UNC13C: variants seen among roughly 807,000 people sequenced by gnomAD.
UNC13C encodes unc-13 homolog C.
UNC13C carries 174 observed loss-of-function variants against 245.4 expected under a neutral mutation model. That is an observed-to-expected ratio of 0.71 (90% CI 0.63 to 0.80). The LOEUF (loss-of-function observed/expected upper bound fraction) is 0.80. Ranked by LOEUF, UNC13C falls within the 30% of genes least tolerant of loss-of-function variation. The pLI, the probability that UNC13C is intolerant of heterozygous loss-of-function variation, is 0.00. For missense variants in UNC13C, 2,829 were observed against 2,602.9 expected, an observed-to-expected ratio of 1.09 and a Z score of -1.89; for synonymous variants, 992 against 895.1, an observed-to-expected ratio of 1.11 and a Z score of -1.93.
chr15:54,027,959 C>G (rs1203451167), intron 2 of UNC13C, among the ~76,000 whole-genome samples: 1 of 152,164 alleles, frequency 6.6e-6, no homozygotes, highest in Non-Finnish European at 1.5e-5. Flanking sequence ...ACATGTCAAA[C>G]TTGGCTAACT....
chr15:54,275,054 G>A (rs1371765939), intron 10 of UNC13C, among the ~76,000 whole-genome samples: 1 of 152,058 alleles, frequency 6.6e-6, no homozygotes, highest in Non-Finnish European at 1.5e-5. Context: ...AAAGCAAATA[G>A]CAAGATGATA....
At chr15:54,610,010 C>G (rs922974694) in intron 30 of UNC13C, among the ~76,000 whole-genome samples, 1 of 152,064 alleles carries the variant, frequency 6.6e-6, no homozygotes, top group African/African-American at 2.4e-5. Context: ...CAATTACTTC[C>G]TACCAGGTCC....
intron 17 of UNC13C, among the ~76,000 whole-genome samples, chr15:54,370,270 T>G (rs2039460024): frequency 6.6e-6 from 1 of 152,088 alleles, no homozygotes; most frequent in Non-Finnish European, 1.5e-5. Flanking sequence ...TGTTAAATAC[T>G]GAGAAATAGT....
At chr15:54,029,100 T>G (rs552533051) in intron 2 of UNC13C, among the ~76,000 whole-genome samples, 2 of 152,310 alleles carry the variant, frequency 1.3e-5, no homozygotes, top group African/African-American at 4.8e-5. Flanking sequence ...GAATGCATTT[T>G]GGGAATTGAT....
chr15:54,333,932 C>T, intron 16 of UNC13C, 76 bp downstream of exon 16: 1 of 1,088,638 alleles, frequency 9.2e-7, no homozygotes, highest in Non-Finnish European at 1.4e-6. Flanking sequence ...CTTGCTTTAC[C>T]CTCCTCTTGA....
At chr15:53,917,188 A>G in the UNC13C span, among the ~76,000 whole-genome samples, 1 of 152,232 alleles carries the variant, frequency 6.6e-6, no homozygotes, top group Non-Finnish European at 1.5e-5. Context: ...TTATAACAGC[A>G]GGGAGTGACT....
At chr15:54,062,773 C>T (rs538426765) in intron 2 of UNC13C, among the ~76,000 whole-genome samples, 2 of 152,260 alleles carry the variant, frequency 1.3e-5, no homozygotes, top group South Asian at 2.1e-4. Flanking sequence ...TTCAATAAGC[C>T]CTTCAGGTGA....
intron 1 of UNC13C, among the ~76,000 whole-genome samples, chr15:53,997,553 G>T (rs1894691802): frequency 6.6e-6 from 1 of 151,998 alleles, no homozygotes; most frequent in Admixed American, 6.6e-5. Context: ...AATTAATTCT[G>T]TATGCAGAAT....
chr15:54,066,340 C>T (rs1898074781), intron 2 of UNC13C, among the ~76,000 whole-genome samples: 1 of 152,210 alleles, frequency 6.6e-6, no homozygotes, highest in Admixed American at 6.5e-5. Context: ...AGTAATTTCT[C>T]TGGTGAACCT....
At chr15:54,620,503 G>C (rs1411203473) in intron 30 of UNC13C, among the ~76,000 whole-genome samples, 1 of 152,026 alleles carries the variant, frequency 6.6e-6, no homozygotes, top group Admixed American at 6.6e-5. Context: ...CCCAATCCAG[G>C]TTCATACTGT....
In UNC13C at chr15:54,067,493, G is replaced by T. The variant is rs1898128638; in HGVS notation, c.2983+51607G>T. Among the ~76,000 whole-genome samples the T allele has an allele frequency of 2.0e-5, 3 of 152,194 alleles. No individual in the cohort carries two copies. In the South Asian group the frequency reaches 6.2e-4, roughly 32 times the overall value. On this transcript the variant is annotated intron_variant, in intron 2 of 32. Coordinates refer to ENST00000260323, the MANE Select transcript of UNC13C (RefSeq NM_001080534.3). ...TTCATTATTTCAGTCAATAAGTCAT[G>T]CTGTGACAGGTAAAGCTTGTCTCTA...
the UNC13C span, among the ~76,000 whole-genome samples, chr15:53,876,592 C>G: frequency 6.6e-6 from 1 of 152,138 alleles, no homozygotes; most frequent in African/African-American, 2.4e-5. Flanking sequence ...AACAGAAGAG[C>G]AGGAACTTCT....
chr15:54,095,899 G>C (rs1473905404), intron 2 of UNC13C, among the ~76,000 whole-genome samples: 1 of 152,220 alleles, frequency 6.6e-6, no homozygotes, highest in Non-Finnish European at 1.5e-5. Flanking sequence ...CAGAGATTCA[G>C]AAAGGGAATG....
intron 4 of UNC13C, among the ~76,000 whole-genome samples, chr15:54,161,925 G>GC (rs1307032632): frequency 1.7e-4 from 26 of 151,120 alleles, no homozygotes; most frequent in African/African-American, 6.1e-4. Context: ...CCCAGTCTGG[G>GC]CTACAGAGAG....
intron 19 of UNC13C, among the ~76,000 whole-genome samples, chr15:54,476,232 C>T (rs961514708): frequency 5.7e-4 from 78 of 137,634 alleles, no homozygotes; most frequent in African/African-American, 9.9e-4. Context: ...GAGTAGGTTG[C>T]GAAAATTTTC....
chr15:54,403,469 C>T (rs549962503), intron 18 of UNC13C, among the ~76,000 whole-genome samples: 1 of 152,062 alleles, frequency 6.6e-6, no homozygotes, highest in Non-Finnish European at 1.5e-5. Context: ...CGCATGTAAT[C>T]CCAGCACTTT....
the UNC13C span, among the ~76,000 whole-genome samples, chr15:53,883,097 C>T: frequency 6.6e-6 from 1 of 152,032 alleles, no homozygotes; most frequent in African/African-American, 2.4e-5. Context: ...GGGAAGAGCA[C>T]TATAGCTACC....
chr15:54,555,349 G>A (rs1198254097), intron 28 of UNC13C, 83 bp from the exon 29 acceptor site: 2 of 1,070,980 alleles, frequency 1.9e-6, no homozygotes, highest in Non-Finnish European at 2.8e-6. Context: ...TTGGCATATG[G>A]GGATAATACA....
chr15:54,388,514 C>T (rs1425905953), intron 17 of UNC13C, among the ~76,000 whole-genome samples: 1 of 152,194 alleles, frequency 6.6e-6, no homozygotes, highest in Non-Finnish European at 1.5e-5. Context: ...ACCACCTCTT[C>T]TCTGAAGAAG....
Sources: gnomAD v4.1 joint callset for allele counts (sites outside exome capture counted in the v4.1 genomes callset) on GRCh38, gnomAD v4.1.1 for gene constraint, MANE v1.5 for transcripts, NCBI Gene and HGNC (gene_info 2026-07-23, HGNC 2026-07-21) for gene names.